Variants in UIMC1 observed in about 807,000 individuals in gnomAD.
UIMC1 encodes the protein BRCA1-A complex subunit RAP80.
UIMC1 carries 42 observed loss-of-function variants against 84.9 expected under a neutral mutation model. The observed-to-expected ratio is 0.49, with a 90% CI of 0.39 to 0.64. The LOEUF (loss-of-function observed/expected upper bound fraction) is 0.64, where lower values mean the gene tolerates loss of function less well. Ranked by LOEUF, UIMC1 falls within the 30% of genes least tolerant of loss-of-function variation. The probability of loss-of-function intolerance (pLI) is 0.00; values close to 1 mark genes in which losing one functional copy is unlikely to be tolerated. For missense variants in UIMC1, 825 were observed against 847.6 expected, an observed-to-expected ratio of 0.97 and a Z score of 0.33; for synonymous variants, 281 against 293.0, an observed-to-expected ratio of 0.96 and a Z score of 0.42.
chr5:176,932,392 G>A (rs538296837), intron 10 of UIMC1, among the ~76,000 whole-genome samples: 1 of 152,262 alleles, frequency 6.6e-6, no homozygotes, highest in African/African-American at 2.4e-5. Context: ...TATTATTTGT[G>A]AAAGTTAAAA....
At chr5:177,016,352 A>C (rs1433975828) in intron 1 of UIMC1, among the ~76,000 whole-genome samples, 1 of 150,984 alleles carries the variant, frequency 6.6e-6, no homozygotes, top group African/African-American at 2.4e-5. Flanking sequence ...TGACAGAGCA[A>C]GACTCCATCT....
At chr5:177,008,544 G>A (rs1403851250), upstream of UIMC1, among the ~76,000 whole-genome samples, 3 of 152,132 alleles carry the variant, frequency 2.0e-5, no homozygotes, top group African/African-American at 7.2e-5. Flanking sequence ...ATCAGAAAAG[G>A]TTTCAGTGCA....
At chr5:176,959,688 C>A (rs1378761249) in intron 6 of UIMC1, among the ~76,000 whole-genome samples, 20 of 144,468 alleles carry the variant, frequency 1.4e-4, no homozygotes, top group African/African-American at 5.2e-4. Context: ...TGCACTCCAG[C>A]CTGGGCGACA....
At chr5:176,915,899 A>G (rs1343052710) in intron 10 of UIMC1, among the ~76,000 whole-genome samples, 2 of 152,216 alleles carry the variant, frequency 1.3e-5, no homozygotes, top group Non-Finnish European at 2.9e-5. Flanking sequence ...CTCCTGGAAA[A>G]TAAGAAGCTA....
At chr5:176,949,709 A>C (rs1765597354) in intron 9 of UIMC1, among the ~76,000 whole-genome samples, 1 of 152,204 alleles carries the variant, frequency 6.6e-6, no homozygotes, top group Non-Finnish European at 1.5e-5. Context: ...ATATTTACCC[A>C]GTTACCTGCA....
chr5:176,933,858 A>G (rs1763411868), intron 10 of UIMC1, among the ~76,000 whole-genome samples: 1 of 149,228 alleles, frequency 6.7e-6, no homozygotes, highest in Non-Finnish European at 1.5e-5. Flanking sequence ...CTTTAATAGA[A>G]AAAAAAATAG....
intron 6 of UIMC1, among the ~76,000 whole-genome samples, chr5:176,959,544 G>A (rs1197165015): frequency 6.6e-6 from 1 of 150,726 alleles, no homozygotes; most frequent in Non-Finnish European, 1.5e-5. Flanking sequence ...GTGAAACCCC[G>A]TCTCTACTAA....
intron 9 of UIMC1, among the ~76,000 whole-genome samples, chr5:176,944,511 T>A (rs1764843252): frequency 6.6e-6 from 1 of 152,202 alleles, no homozygotes; most frequent in Admixed American, 6.5e-5. Flanking sequence ...ATCCAATCAA[T>A]GTGAAAACAT....
At chr5:176,978,460 CCTATA>C (rs1256500289) in intron 2 of UIMC1, among the ~76,000 whole-genome samples, 3 of 152,000 alleles carry the variant, frequency 2.0e-5, no homozygotes, top group Non-Finnish European at 4.4e-5. Flanking sequence ...ACAAATAATT[CCTATA>C]CTATTTAAAT....
chr5:176,961,803 T>C (rs1453861946), intron 6 of UIMC1, among the ~76,000 whole-genome samples: 3 of 4,902 alleles, frequency 6.1e-4, no homozygotes, highest in African/African-American at 2.5e-3. Context: ...CCGCCCCGTC[T>C]GGGAGGTGAG....
At chr5:176,982,384 AAGTC>A (rs1253466612) in intron 2 of UIMC1, 81 bp downstream of exon 2, 1 of 1,476,046 alleles carries the variant, frequency 6.8e-7, no homozygotes, top group Non-Finnish European at 9.1e-7. Context: ...CATTAAGGTG[AAGTC>A]AGTCACGAAA....
chr5:176,942,578 TA>T lies in UIMC1; in HGVS notation c.1597+756del, dbSNP rs200596850. Among the ~76,000 whole-genome samples, 324 of 145,988 alleles carry T rather than the reference TA, an allele frequency of 2.2e-3. 2 individuals are homozygous for T. The highest frequency in any genetic ancestry group is 7.5e-3 in the African/African-American group (297 of 39,582). On this transcript the variant is annotated intron_variant, in intron 10 of 14. Transcript: ENST00000511320. ...TAATATGGTGAAACCCCATCTCTAC[TA>T]AAAAAAAAATACAAAAATTAGCTGG...
chr5:176,955,270 C>G (rs936298537), intron 8 of UIMC1, among the ~76,000 whole-genome samples: 2 of 152,092 alleles, frequency 1.3e-5, no homozygotes, highest in Admixed American at 6.5e-5. Flanking sequence ...AAACAAAGTA[C>G]CTATCTTTTA....
chr5:176,973,770 G>A (rs765829706), intron 3 of UIMC1, among the ~76,000 whole-genome samples: 3 of 152,000 alleles, frequency 2.0e-5, no homozygotes, highest in Admixed American at 6.6e-5. Context: ...GGATGTGGTG[G>A]TATACACCTG....
intron 1 of UIMC1, 104 bp from the exon 2 acceptor site, chr5:176,982,727 T>A: frequency 7.5e-7 from 1 of 1,328,238 alleles, no homozygotes; most frequent in South Asian, 1.4e-5. Flanking sequence ...TTTGAGATGG[T>A]CTCGCTTTGT....
At chr5:176,936,067 T>G (rs1763685805) in intron 10 of UIMC1, among the ~76,000 whole-genome samples, 1 of 152,212 alleles carries the variant, frequency 6.6e-6, no homozygotes, top group Non-Finnish European at 1.5e-5. Context: ...TTGCCTTTCT[T>G]CTTTTCCTTA....
chr5:177,014,805 C>T (rs770176154), intron 1 of UIMC1, among the ~76,000 whole-genome samples: 13 of 152,268 alleles, frequency 8.5e-5, no homozygotes, highest in Admixed American at 2.6e-4. Context: ...AAAGTTCATC[C>T]AGCAGGGCTT....
At chr5:176,915,809 A>AAAAAAAAC (rs1760909583) in intron 10 of UIMC1, among the ~76,000 whole-genome samples, 1 of 151,622 alleles carries the variant, frequency 6.6e-6, no homozygotes, top group Admixed American at 6.6e-5. Flanking sequence ...AAAAAAAAAA[A>AAAAAAAAC]AAAAAGCAAA....
At chr5:177,016,723 A>G (rs548923610) in intron 1 of UIMC1, among the ~76,000 whole-genome samples, 1 of 151,234 alleles carries the variant, frequency 6.6e-6, no homozygotes, top group South Asian at 2.1e-4. Context: ...CCGTCTCAAA[A>G]AAGAAAATTA....
Sources: allele counts gnomAD v4.1 joint callset (sites outside exome capture counted in the v4.1 genomes callset), GRCh38; gene constraint gnomAD v4.1.1; transcripts MANE v1.5; gene names NCBI Gene and HGNC (gene_info 2026-07-23, HGNC 2026-07-21).